The following HSD17B12 variants were observed in gnomAD, a reference collection of about 807,000 sequenced individuals.
The protein encoded by HSD17B12 is very-long-chain 3-oxoacyl-CoA reductase.
Under a neutral mutation model 39.3 loss-of-function variants are expected in HSD17B12, and 32 were observed. The observed-to-expected ratio is 0.81, with a 90% confidence interval of 0.61 to 1.09. The LOEUF (loss-of-function observed/expected upper bound fraction) is 1.09, where lower values mean the gene tolerates loss of function less well. HSD17B12 is among the 50% of genes least tolerant of loss of function. HSD17B12 has a pLI of 0.00. For synonymous variants in HSD17B12, 150 were observed against 146.7 expected (o/e 1.02, Z -0.16); for missense variants, 342 against 382.9 (o/e 0.89, Z 0.89).
chr11:43,658,015 C>T, the HSD17B12 span, among the ~76,000 whole-genome samples: 5 of 152,212 alleles, frequency 3.3e-5, no homozygotes, highest in African/African-American at 4.8e-5. Flanking sequence ...CCATTCTCCC[C>T]GTCACTTTCA....
At chr11:43,561,311 C>T in the HSD17B12 span, among the ~76,000 whole-genome samples, 116 of 152,330 alleles carry the variant, frequency 7.6e-4, no homozygotes, top group African/African-American at 2.7e-3. Flanking sequence ...CCCAGGATGA[C>T]AAGTTCTCAG....
At chr11:43,775,751 C>T in intron 3 of HSD17B12, among the ~76,000 whole-genome samples, 1 of 134,554 alleles carries the variant, frequency 7.4e-6, no homozygotes, top group Non-Finnish European at 1.6e-5. Context: ...AATGCTATCC[C>T]TCCCCCCTCC....
the HSD17B12 span, among the ~76,000 whole-genome samples, chr11:43,588,761 A>G: frequency 6.6e-6 from 1 of 151,722 alleles, no homozygotes; most frequent in African/African-American, 2.4e-5. Context: ...TTCTGGAAGC[A>G]TCTGTCCATT....
At chr11:43,797,931 A>C (rs1440007746) in intron 3 of HSD17B12, among the ~76,000 whole-genome samples, 1 of 152,206 alleles carries the variant, frequency 6.6e-6, no homozygotes, top group Non-Finnish European at 1.5e-5. Flanking sequence ...CTTCTTCCTG[A>C]AGTTACAAAG....
chr11:43,811,559 C>T (rs976299230), intron 4 of HSD17B12, among the ~76,000 whole-genome samples: 2 of 152,084 alleles, frequency 1.3e-5, no homozygotes, highest in African/African-American at 2.4e-5. Flanking sequence ...CTAAAGTTCT[C>T]AGTGTTGAAC....
the HSD17B12 span, among the ~76,000 whole-genome samples, chr11:43,665,758 C>T: frequency 0.04 from 6,088 of 152,248 alleles, 190 homozygotes; most frequent in South Asian, 0.12. Flanking sequence ...GCTCTACACA[C>T]GCACACACGC....
At chr11:43,575,089 C>A in the HSD17B12 span, among the ~76,000 whole-genome samples, 1 of 152,172 alleles carries the variant, frequency 6.6e-6, no homozygotes, top group Non-Finnish European at 1.5e-5. This position sits in a 1 kb window ranked among gnomAD's most constrained non-coding sequence, Gnocchi z 4.1. Context: ...ACAGGGGAGC[C>A]CCTAAATGGC....
chr11:43,737,966 G>T (rs11037588), intron 1 of HSD17B12, among the ~76,000 whole-genome samples: 1 of 151,508 alleles, frequency 6.6e-6, no homozygotes, highest in Non-Finnish European at 1.5e-5. Context: ...CCAGCTACTC[G>T]GGAGGCTGAG....
At chr11:43,823,768 T>A (rs1418426250) in intron 6 of HSD17B12, among the ~76,000 whole-genome samples, 3 of 152,140 alleles carry the variant, frequency 2.0e-5, no homozygotes, top group African/African-American at 7.2e-5. Context: ...AACAGAAAAT[T>A]CTGAACTGAA....
the HSD17B12 span, among the ~76,000 whole-genome samples, chr11:43,658,677 G>T: frequency 2.0e-5 from 3 of 152,204 alleles, no homozygotes; most frequent in African/African-American, 7.2e-5. Context: ...CTGTTTTCCT[G>T]GGTGTCAGCA....
chr11:43,633,358 C>G, the HSD17B12 span, among the ~76,000 whole-genome samples: 1 of 151,944 alleles, frequency 6.6e-6, no homozygotes, highest in East Asian at 1.9e-4. Flanking sequence ...ATGCTGAAAC[C>G]TCGTCTCTAC....
At chr11:43,646,162 T>C in the HSD17B12 span, 1 of 152,184 alleles carries the variant, frequency 6.6e-6, no homozygotes, top group South Asian at 2.1e-4. Context: ...TCAAAAAATA[T>C]ATGTATAGTA....
At chr11:43,766,388 T>C (rs1348338555) in intron 3 of HSD17B12, among the ~76,000 whole-genome samples, 1 of 152,188 alleles carries the variant, frequency 6.6e-6, no homozygotes, top group African/African-American at 2.4e-5. Context: ...CATGCATTCT[T>C]TATTGTCCAA....
At chr11:43,821,487 A>G (rs545484010) in intron 6 of HSD17B12, among the ~76,000 whole-genome samples, 6 of 152,222 alleles carry the variant, frequency 3.9e-5, no homozygotes, top group Non-Finnish European at 8.8e-5. Context: ...CTTATTTCTC[A>G]TCAAGAACAA....
chr11:43,723,639 C>T (rs1266788255), intron 1 of HSD17B12, among the ~76,000 whole-genome samples: 3 of 152,152 alleles, frequency 2.0e-5, no homozygotes, highest in African/African-American at 7.2e-5. Context: ...GAGAACATAA[C>T]TGATTTATAA....
the HSD17B12 span, among the ~76,000 whole-genome samples, chr11:43,609,540 AT>A: frequency 2.2e-4 from 33 of 151,822 alleles, no homozygotes; most frequent in African/African-American, 8.0e-4. Flanking sequence ...TAATTTTTTA[AT>A]TTGTAGAGAT....
intron 1 of HSD17B12, among the ~76,000 whole-genome samples, chr11:43,697,637 G>T (rs1331602642): frequency 6.6e-6 from 1 of 152,278 alleles, no homozygotes; most frequent in East Asian, 1.9e-4. Context: ...TATGCTAAAC[G>T]GCATTGATAA....
intron 3 of HSD17B12, among the ~76,000 whole-genome samples, chr11:43,761,515 C>T (rs1008813286): frequency 6.6e-6 from 1 of 152,344 alleles, no homozygotes; most frequent in Middle Eastern, 3.4e-3. Flanking sequence ...ATTTTAGATG[C>T]TCACAAGTTT....
chr11:43,764,183 A>C (rs10734517), intron 3 of HSD17B12, among the ~76,000 whole-genome samples: 99,609 of 151,972 alleles, frequency 0.66, 32,984 homozygotes, highest in East Asian at 0.75. Flanking sequence ...TATAACTCTG[A>C]ATTTATTTAC....
Sources: gnomAD v4.1 joint callset for allele counts (sites outside exome capture counted in the v4.1 genomes callset) on GRCh38, gnomAD v4.1.1 for gene constraint, Gnocchi (gnomAD v3.1) non-coding constraint, MANE v1.5 for transcripts, NCBI Gene and HGNC (gene_info 2026-07-23, HGNC 2026-07-21) for gene names.